The following WDR59 variants were observed in gnomAD, a reference collection of about 807,000 sequenced individuals.
WDR59 encodes GATOR2 complex protein WDR59.
In WDR59, 100 loss-of-function variants were observed where a neutral mutation model predicts 131.2. That is an observed-to-expected ratio of 0.76 (90% CI 0.65 to 0.90). The LOEUF is 0.90. Ranked by LOEUF, WDR59 falls within the 40% of genes least tolerant of loss-of-function variation. WDR59 has a pLI of 0.00. For synonymous variants in WDR59, 601 were observed against 466.2 expected, an observed-to-expected ratio of 1.29 and a Z score of -3.72; for missense variants, 1,203 against 1,262.2, an observed-to-expected ratio of 0.95 and a Z score of 0.71.
intron 2 of WDR59, among the ~76,000 whole-genome samples, chr16:74,961,283 A>G (rs2033555413): frequency 6.6e-6 from 1 of 152,192 alleles, no homozygotes; most frequent in African/African-American, 2.4e-5. Context: ...CCTAGGCAAC[A>G]GAGTGAAACC....
At chr16:74,965,578 T>C (rs1046040137) in intron 2 of WDR59, among the ~76,000 whole-genome samples, 195 bp downstream of exon 2, 10 of 152,232 alleles carry the variant, frequency 6.6e-5, no homozygotes, top group African/African-American at 2.4e-4. Flanking sequence ...GGTGTTTTAT[T>C]GCTTACCTAT....
intron 2 of WDR59, among the ~76,000 whole-genome samples, chr16:74,963,434 T>C (rs971576323): frequency 6.6e-6 from 1 of 152,110 alleles, no homozygotes; most frequent in Admixed American, 6.6e-5. Context: ...ATCATGTACT[T>C]TGCAGGGACA....
At chr16:74,965,122 C>T (rs1303010942) in intron 2 of WDR59, among the ~76,000 whole-genome samples, 1 of 152,006 alleles carries the variant, frequency 6.6e-6, no homozygotes, top group Non-Finnish European at 1.5e-5. Context: ...CCAGGCTGGT[C>T]TTGAACTCCT....
chr16:74,915,525 G>A (rs889308723), intron 13 of WDR59: 1 of 193,412 alleles, frequency 5.2e-6, no homozygotes, highest in East Asian at 1.2e-4. Flanking sequence ...TGCTTCTCAA[G>A]TTCAAGTGAT....
intron 1 of WDR59, among the ~76,000 whole-genome samples, chr16:74,984,448 C>T (rs1044082447): frequency 6.6e-6 from 1 of 152,188 alleles, no homozygotes; most frequent in Non-Finnish European, 1.5e-5. Flanking sequence ...AGTGTCACTC[C>T]TATCCACTAC....
intron 6 of WDR59, among the ~76,000 whole-genome samples, chr16:74,943,586 G>C (rs1298561504): frequency 6.6e-6 from 1 of 152,194 alleles, no homozygotes; most frequent in Non-Finnish European, 1.5e-5. Flanking sequence ...ACCTCTAGCT[G>C]ACTTTTAAAA....
At chr16:74,888,880 T>C (rs11641435) in intron 21 of WDR59, among the ~76,000 whole-genome samples, 66,021 of 152,114 alleles carry the variant, frequency 0.43, 14,683 homozygotes, top group Middle Eastern at 0.48. Flanking sequence ...ATCCCCTTTG[T>C]CCTTTCAGGA....
intron 1 of WDR59, among the ~76,000 whole-genome samples, chr16:74,983,726 A>G (rs2034515138): frequency 6.6e-6 from 1 of 152,014 alleles, no homozygotes; most frequent in Admixed American, 6.6e-5. Flanking sequence ...CTGTAATCCC[A>G]ACACTTTGGG....
At chr16:74,916,885 C>T in intron 11 of WDR59, among the ~76,000 whole-genome samples, 1 of 151,434 alleles carries the variant, frequency 6.6e-6, no homozygotes, top group Non-Finnish European at 1.5e-5. Flanking sequence ...AAACCATAAC[C>T]TCAAGGCATT....
At chr16:74,903,913 G>T in intron 18 of WDR59, 34 bp downstream of exon 18, 1 of 1,586,322 alleles carries the variant, frequency 6.3e-7, no homozygotes, top group Non-Finnish European at 8.6e-7. Flanking sequence ...CAGGAGAAGG[G>T]GTAAGAATCA....
At chr16:74,910,868 G>C (rs1052907870) in intron 14 of WDR59, among the ~76,000 whole-genome samples, 1 of 151,998 alleles carries the variant, frequency 6.6e-6, no homozygotes, top group East Asian at 1.9e-4. Context: ...CGCCTCCCAG[G>C]TTCAAGCCAT....
chr16:74,984,556 A>G (rs1360880080), intron 1 of WDR59: 6 of 234,568 alleles, frequency 2.6e-5, no homozygotes, highest in Non-Finnish European at 5.1e-5. Context: ...TCACCCCAAC[A>G]GGGTTACGTC....
At chr16:74,916,054 G>T (rs1342297563) in intron 12 of WDR59, 60 bp from the exon 13 acceptor site, 12 of 1,613,838 alleles carry the variant, frequency 7.4e-6, no homozygotes, top group Admixed American at 6.7e-5. Flanking sequence ...CAGAGAACAG[G>T]TCTGGGGTAT....
At chr16:74,935,156 G>A (rs2031698046) in intron 8 of WDR59, among the ~76,000 whole-genome samples, 1 of 151,934 alleles carries the variant, frequency 6.6e-6, no homozygotes. Flanking sequence ...CTTGAACCTG[G>A]GAGGCAGAGG....
intron 18 of WDR59, among the ~76,000 whole-genome samples, chr16:74,902,167 A>G (rs149266039): frequency 4.5e-3 from 683 of 152,282 alleles, no homozygotes; most frequent in African/African-American, 0.016. Flanking sequence ...TATTTGGTAT[A>G]TATCAATATA....
At chr16:74,980,066 A>C (rs2034342156) in intron 1 of WDR59, among the ~76,000 whole-genome samples, 1 of 148,290 alleles carries the variant, frequency 6.7e-6, no homozygotes. Flanking sequence ...TCACCATGTT[A>C]GCCAGGCTGG....
At chr16:74,919,157 G>C (rs1387673159) in intron 10 of WDR59, among the ~76,000 whole-genome samples, 1 of 152,002 alleles carries the variant, frequency 6.6e-6, no homozygotes, top group Non-Finnish European at 1.5e-5. Context: ...CGACTCCCTT[G>C]TATCTTCTCC....
At chr16:74,875,221 T>C (rs543868588) in intron 25 of WDR59, among the ~76,000 whole-genome samples, 20 of 152,296 alleles carry the variant, frequency 1.3e-4, no homozygotes, top group Admixed American at 8.5e-4. Flanking sequence ...GGGGACTGGT[T>C]CCACTGGGCT....
At chr16:74,945,365 T>C (rs1021786813) in intron 6 of WDR59, among the ~76,000 whole-genome samples, 4 of 151,286 alleles carry the variant, frequency 2.6e-5, no homozygotes, top group African/African-American at 4.9e-5. Context: ...CAGTCCCAGC[T>C]ACTCGGGAGG....
Sources: gnomAD v4.1 joint callset for allele counts (sites outside exome capture counted in the v4.1 genomes callset) on GRCh38, gnomAD v4.1.1 for gene constraint, MANE v1.5 for transcripts, NCBI Gene and HGNC (gene_info 2026-07-23, HGNC 2026-07-21) for gene names.